SPOCK3: variants seen among roughly 807,000 people sequenced by gnomAD.
The protein encoded by SPOCK3 is testican-3.
A neutral mutation model predicts 56.6 loss-of-function variants in SPOCK3; 30 were observed. The ratio of observed to expected loss-of-function variants is 0.53; its 90% CI spans 0.40 to 0.72. The LOEUF is 0.72. Ranked by LOEUF, SPOCK3 falls within the 30% of genes least tolerant of loss-of-function variation. The probability of loss-of-function intolerance (pLI) is 0.00; values close to 1 mark genes in which losing one functional copy is unlikely to be tolerated. For missense variants in SPOCK3, 527 were observed against 530.0 expected (o/e 0.99, Z 0.06); for synonymous variants, 196 against 183.3 (o/e 1.07, Z -0.56).
intron 6 of SPOCK3, among the ~76,000 whole-genome samples, chr4:166,839,002 C>T (rs1579375723): frequency 1.3e-5 from 2 of 151,880 alleles, no homozygotes; most frequent in Admixed American, 1.3e-4. Context: ...ACATATCTAT[C>T]TTATGAGGAT....
chr4:167,191,546 G>C (rs956045183), intron 2 of SPOCK3, among the ~76,000 whole-genome samples: 2 of 145,204 alleles, frequency 1.4e-5, no homozygotes, highest in Admixed American at 1.4e-4. Flanking sequence ...TATTCTTTTT[G>C]ATGCTAATGT....
Position 167,220,272 on chromosome 4 carries a change from G to A in SPOCK3, c.189+13713C>T, listed in dbSNP as rs555515744. 7.9e-5 allele frequency among the ~76,000 whole-genome samples: 12 copies of A among 152,138 alleles called. 1 individual carries two copies. The South Asian group carries it at 2.5e-3, about 32-fold the overall frequency. On this transcript the variant is annotated intron_variant, in intron 2 of 10. Transcript: ENST00000357545. ...AATTCTCTTCAGCCAAGAAAAGGAGGGGGTGGTGGCACAACTGTAGAAATT... is the reference window on the plus strand; with the variant it reads ...AATTCTCTTCAGCCAAGAAAAGGAGAGGGTGGTGGCACAACTGTAGAAATT...
At chr4:166,998,226 A>G (rs999315863) in intron 4 of SPOCK3, among the ~76,000 whole-genome samples, 8 of 152,172 alleles carry the variant, frequency 5.3e-5, no homozygotes, top group African/African-American at 1.9e-4. Flanking sequence ...CAGAAATAGA[A>G]CAGGACTAAA....
intron 4 of SPOCK3, among the ~76,000 whole-genome samples, chr4:167,000,067 C>T: frequency 6.6e-6 from 1 of 152,126 alleles, no homozygotes; most frequent in Admixed American, 6.6e-5. Flanking sequence ...GTTCCTTAAA[C>T]TTGAAAAAGC....
At chr4:166,930,283 GC>G (rs1739590688) in intron 4 of SPOCK3, among the ~76,000 whole-genome samples, 1 of 152,098 alleles carries the variant, frequency 6.6e-6, no homozygotes, top group Non-Finnish European at 1.5e-5. Flanking sequence ...TAAAGATTGA[GC>G]CATAAACACA....
At chr4:167,030,136 T>A (rs542686133) in intron 3 of SPOCK3, among the ~76,000 whole-genome samples, 1 of 151,988 alleles carries the variant, frequency 6.6e-6, no homozygotes, top group African/African-American at 2.4e-5. Flanking sequence ...TATCTTTCCA[T>A]CCATCCATTA....
chr4:167,062,422 A>T, intron 3 of SPOCK3, 70 bp downstream of exon 3: 1 of 1,231,036 alleles, frequency 8.1e-7, no homozygotes, highest in Non-Finnish European at 1.2e-6. Context: ...CAGACAGTAA[A>T]TATCATTTCT....
At chr4:166,922,695 T>G (rs1579659651) in intron 4 of SPOCK3, among the ~76,000 whole-genome samples, 1 of 152,308 alleles carries the variant, frequency 6.6e-6, no homozygotes, top group African/African-American at 2.4e-5. Flanking sequence ...GGCCACTTTC[T>G]GTAGCCTACA....
chr4:166,899,242 A>ATATCTATCTATC (rs75617799), intron 5 of SPOCK3, among the ~76,000 whole-genome samples: 1,239 of 117,322 alleles, frequency 0.011, 15 homozygotes, highest in Non-Finnish European at 0.013. Flanking sequence ...AAATCTCCTC[A>ATATCTATCTATC]TATCTATCTA....
chr4:166,765,771 C>A (rs559764713), intron 7 of SPOCK3, among the ~76,000 whole-genome samples: 38 of 152,350 alleles, frequency 2.5e-4, no homozygotes, highest in African/African-American at 8.9e-4. Flanking sequence ...TATAAATTAC[C>A]TTGGGCAGTA....
chr4:166,965,781 C>A (rs1270191639), intron 4 of SPOCK3, among the ~76,000 whole-genome samples: 1 of 152,016 alleles, frequency 6.6e-6, no homozygotes, highest in Non-Finnish European at 1.5e-5. Context: ...GATCTCAACA[C>A]CCCTATTATC....
chr4:167,078,339 TG>T (rs1730061452), intron 2 of SPOCK3, among the ~76,000 whole-genome samples: 1 of 148,366 alleles, frequency 6.7e-6, no homozygotes, highest in Non-Finnish European at 1.5e-5. Flanking sequence ...TGTGTGTGTG[TG>T]TGTGTGTGTG....
chr4:166,955,078 A>G (rs1468839932), intron 4 of SPOCK3, among the ~76,000 whole-genome samples: 1 of 152,160 alleles, frequency 6.6e-6, no homozygotes, highest in African/African-American at 2.4e-5. Flanking sequence ...TGAATCCAGG[A>G]AACTATTAAG....
chr4:166,770,802 A>C (rs1275939519), intron 7 of SPOCK3, among the ~76,000 whole-genome samples: 1 of 152,016 alleles, frequency 6.6e-6, no homozygotes, highest in African/African-American at 2.4e-5. Context: ...AAAGATACAG[A>C]CTGGTTAAGA....
intron 6 of SPOCK3, among the ~76,000 whole-genome samples, chr4:166,807,269 T>C (rs1743264518): frequency 6.6e-6 from 1 of 150,976 alleles, no homozygotes; most frequent in Non-Finnish European, 1.5e-5. Context: ...CAAAGGGTTG[T>C]ATGGCTAGCT....
At chr4:166,831,477 A>G (rs1331670395) in intron 6 of SPOCK3, among the ~76,000 whole-genome samples, 1 of 152,156 alleles carries the variant, frequency 6.6e-6, no homozygotes, top group African/African-American at 2.4e-5. Flanking sequence ...AGGATAAAAA[A>G]GATATACGGC....
At chr4:167,051,778 C>A (rs906740643) in intron 3 of SPOCK3, among the ~76,000 whole-genome samples, 30 of 152,296 alleles carry the variant, frequency 2.0e-4, no homozygotes, top group South Asian at 4.1e-4. Flanking sequence ...TGGCGCCTGT[C>A]AAAAGAGCAG....
intron 6 of SPOCK3, among the ~76,000 whole-genome samples, chr4:166,839,868 A>G (rs1473163804): frequency 6.6e-6 from 1 of 152,170 alleles, no homozygotes; most frequent in Non-Finnish European, 1.5e-5. Context: ...TCTTCCCCAG[A>G]AAACCCCCAT....
chr4:166,945,347 T>G (rs2150023884), intron 4 of SPOCK3, among the ~76,000 whole-genome samples: 1 of 152,200 alleles, frequency 6.6e-6, no homozygotes, highest in South Asian at 2.1e-4. Flanking sequence ...TAACTATAGG[T>G]TTTCAAAATT....
Sources: gnomAD v4.1 joint callset for allele counts (sites outside exome capture counted in the v4.1 genomes callset) on GRCh38, gnomAD v4.1.1 for gene constraint, MANE v1.5 for transcripts, NCBI Gene and HGNC (gene_info 2026-07-23, HGNC 2026-07-21) for gene names.